Variants in MYCBP2 observed in about 807,000 individuals in gnomAD.
MYCBP2 encodes the protein E3 ubiquitin-protein ligase MYCBP2.
Under a neutral mutation model 525.3 loss-of-function variants are expected in MYCBP2, and 120 were observed. The observed-to-expected ratio is 0.23, with a 90% CI of 0.20 to 0.27. The LOEUF (loss-of-function observed/expected upper bound fraction) is 0.27. Among genes scored for constraint, MYCBP2 ranks in the 10% least tolerant of loss-of-function variants. The pLI, the probability that MYCBP2 is intolerant of heterozygous loss-of-function variation, is 1.00. For missense variants in MYCBP2, 4,149 were observed against 5,657.1 expected, an observed-to-expected ratio of 0.73 and a Z score of 8.55; for synonymous variants, 1,894 against 1,955.8, an observed-to-expected ratio of 0.97 and a Z score of 0.83.
chr13:77,119,617 GATA>G (rs1283674245), intron 55 of MYCBP2, among the ~76,000 whole-genome samples: 7 of 152,130 alleles, frequency 4.6e-5, no homozygotes, highest in Admixed American at 2.6e-4. Flanking sequence ...TACTGTTACA[GATA>G]ATAAAGTTAG....
chr13:77,265,093 T>C (rs759091568), intron 8 of MYCBP2, among the ~76,000 whole-genome samples: 1 of 152,050 alleles, frequency 6.6e-6, no homozygotes, highest in Non-Finnish European at 1.5e-5. Flanking sequence ...TACTTCCTTA[T>C]CATAAATATG....
In MYCBP2 at chr13:77,135,306, C is replaced by T. The variant is rs191946690; in HGVS notation, c.7659+3890G>A. 2.8e-4 allele frequency among the ~76,000 whole-genome samples: 42 copies of T among 152,092 alleles called. 1 individual carries two copies. The East Asian group carries it at 4.4e-3, about 16-fold the overall frequency. ...ATGATTAAAGTTCATTTACTTTAAA[C>T]GAACTGAAGTAAGAAGGGAGAAAGA... On this transcript the variant is annotated intron_variant, in intron 52 of 82. Transcript: ENST00000544440.
chr13:77,320,324 C>G (rs542771300), intron 1 of MYCBP2, among the ~76,000 whole-genome samples: 40 of 152,128 alleles, frequency 2.6e-4, no homozygotes, highest in Non-Finnish European at 5.1e-4. Context: ...CAGCACCTGC[C>G]ACACCACCAC....
chr13:77,089,158 T>C (rs2044898733), intron 60 of MYCBP2, 127 bp from the exon 61 acceptor site: 3 of 676,494 alleles, frequency 4.4e-6, no homozygotes, highest in Non-Finnish European at 6.9e-6. Context: ...ATCATAACAA[T>C]TTCAACTTTT....
intron 15 of MYCBP2, among the ~76,000 whole-genome samples, chr13:77,249,539 A>G (rs1017730417): frequency 1.3e-5 from 2 of 152,128 alleles, no homozygotes; most frequent in African/African-American, 4.8e-5. Flanking sequence ...AAGCTCAGAG[A>G]GTGGGGATAT....
rs540888924 is a variant in MYCBP2 at position 77,254,037 on chromosome 13, T to C, written c.2177-2682A>G. 2.6e-5 allele frequency among the ~76,000 whole-genome samples: 4 copies of C among 152,030 alleles called. No individual in the cohort carries two copies. The East Asian group carries it at 7.7e-4, about 29-fold the overall frequency. The stretch of plus-strand genomic sequence containing the variant: ...ACACTATAGCATGTTCACTGTGTGG[T>C]ATATTACACATTAGTTAACATGAAT... On this transcript the variant is annotated intron_variant, in intron 14 of 82. Transcript: ENST00000544440.
chr13:77,065,902 T>C, intron 72 of MYCBP2, 90 bp downstream of exon 72: 4 of 831,294 alleles, frequency 4.8e-6, no homozygotes, highest in Non-Finnish European at 7.7e-6. Flanking sequence ...GTTACACTAA[T>C]CTACATCTCC....
chr13:77,062,578 AC>A lies in MYCBP2; in HGVS notation c.12774+17del. The A allele has an allele frequency of 6.3e-7, 1 of 1,599,970 alleles. No homozygotes were observed. The highest frequency in any genetic ancestry group is 8.6e-7 in the Non-Finnish European group (1 of 1,167,446). On this transcript the variant is annotated intron_variant, in intron 74 of 82. Coordinates refer to ENST00000544440, the MANE Select transcript of MYCBP2 (RefSeq NM_015057.5). The stretch of plus-strand genomic sequence containing the variant: ...GTAAAGGAAAGCAAGATAAATTCTT[AC>A]AAAATTCTGATCTTACCATTTGTTT...
chr13:77,217,448 A>T (rs939907670), intron 21 of MYCBP2, among the ~76,000 whole-genome samples: 27 of 152,212 alleles, frequency 1.8e-4, no homozygotes, highest in Admixed American at 7.2e-4. Context: ...CAAATCAAAT[A>T]AAAAAAACTA....
intron 52 of MYCBP2, among the ~76,000 whole-genome samples, chr13:77,130,844 G>A (rs2052656629): frequency 6.6e-6 from 1 of 152,036 alleles, no homozygotes; most frequent in African/African-American, 2.4e-5. Flanking sequence ...AACATGAAAG[G>A]CAATTGTTAA....
At chr13:77,187,872 G>A (rs551323817) in intron 30 of MYCBP2, among the ~76,000 whole-genome samples, 4 of 151,888 alleles carry the variant, frequency 2.6e-5, no homozygotes, top group South Asian at 2.1e-4. Context: ...TCAGGGGTTC[G>A]AGACCACCAC....
chr13:77,137,699 C>T (rs2053970617), intron 52 of MYCBP2, among the ~76,000 whole-genome samples: 2 of 152,140 alleles, frequency 1.3e-5, no homozygotes, highest in Admixed American at 1.3e-4. Context: ...AGCGATTCTC[C>T]CGCTTCAGCC....
chr13:77,279,297 T>A (rs1301341741), intron 3 of MYCBP2, among the ~76,000 whole-genome samples: 1 of 152,208 alleles, frequency 6.6e-6, no homozygotes, highest in East Asian at 1.9e-4. Context: ...TTATTTATAG[T>A]TGGTATCCCT....
chr13:77,313,510 A>G (rs2080527942), intron 1 of MYCBP2, among the ~76,000 whole-genome samples: 1 of 152,070 alleles, frequency 6.6e-6, no homozygotes, highest in African/African-American at 2.4e-5. Context: ...TTTATATGTA[A>G]AATGCAAAAC....
chr13:77,062,709 G>T lies in MYCBP2; in HGVS notation c.12673-12C>A. On this transcript the variant is annotated splice_polypyrimidine_tract_variant and intron_variant, in intron 73 of 82. Transcript: ENST00000544440. ...AGAGCAAGCCAGAGCTGTTGAAAGG[G>T]AAGGCTGTTACACCACTGAATTTTT... The T allele has an allele frequency of 6.2e-7, 1 of 1,609,680 alleles. No homozygotes were observed.
Position 77,064,597 on chromosome 13 carries a change from A to C in MYCBP2, c.12672+18T>G, listed in dbSNP as rs766798926. On this transcript the variant is annotated intron_variant, in intron 73 of 82. Transcript: ENST00000544440. The stretch of plus-strand genomic sequence containing the variant: ...TACACACCAAATTTAAAACAAAACA[A>C]AACAAAGCAAAACCTACTCTAGTTG... 7.6e-6 allele frequency: 12 copies of C among 1,586,134 alleles called. No individual in the cohort carries two copies. Among genetic ancestry groups the C allele is most frequent in the Non-Finnish European group, 9.4e-6 (11 of 1,165,016 alleles).
chr13:77,131,149 T>C (rs962638172), intron 52 of MYCBP2, among the ~76,000 whole-genome samples: 5 of 152,180 alleles, frequency 3.3e-5, no homozygotes, highest in Admixed American at 3.3e-4. Flanking sequence ...ATTTTCAAAA[T>C]GCAATGTCCT....
chr13:77,094,437 T>C (rs1366981836), intron 58 of MYCBP2, among the ~76,000 whole-genome samples: 1 of 152,166 alleles, frequency 6.6e-6, no homozygotes, highest in Non-Finnish European at 1.5e-5. Flanking sequence ...ATTTTTTAAT[T>C]GCAAACCAGT....
intron 5 of MYCBP2, among the ~76,000 whole-genome samples, chr13:77,273,168 T>C (rs902584959): frequency 1.3e-5 from 2 of 151,968 alleles, no homozygotes; most frequent in Admixed American, 1.3e-4. Flanking sequence ...CAGGGAAAGA[T>C]GGGAAGAAGG....
Sources: gnomAD v4.1 joint callset for allele counts (sites outside exome capture counted in the v4.1 genomes callset) on GRCh38, gnomAD v4.1.1 for gene constraint, MANE v1.5 for transcripts, NCBI Gene and HGNC (gene_info 2026-07-23, HGNC 2026-07-21) for gene names.